EVI5: variants seen among roughly 807,000 people sequenced by gnomAD.
EVI5 encodes the protein ecotropic viral integration site 5.
EVI5 carries 73 observed loss-of-function variants against 112.0 expected under a neutral mutation model. That is an observed-to-expected ratio of 0.65 (90% CI 0.54 to 0.79). EVI5 has a LOEUF of 0.79. Among genes scored for constraint, EVI5 ranks in the 30% least tolerant of loss-of-function variants. The pLI is 0.00. For synonymous variants in EVI5, 305 were observed against 319.9 expected, an observed-to-expected ratio of 0.95 and a Z score of 0.50; for missense variants, 900 against 968.8, an observed-to-expected ratio of 0.93 and a Z score of 0.94.
intron 2 of EVI5, among the ~76,000 whole-genome samples, chr1:92,715,658 T>C (rs1673524910): frequency 6.6e-6 from 1 of 152,120 alleles, no homozygotes; most frequent in Non-Finnish European, 1.5e-5. Context: ...GGGCGGGGCG[T>C]CACCTCACCC....
At chr1:92,716,416 A>G (rs1322876624) in intron 2 of EVI5, among the ~76,000 whole-genome samples, 2 of 152,260 alleles carry the variant, frequency 1.3e-5, no homozygotes, top group African/African-American at 4.8e-5. Context: ...AGAAAGGAAT[A>G]GCATCAACAT....
chr1:92,668,533 T>C lies in EVI5; in HGVS notation c.1159-2541A>G, dbSNP rs189036282. ...GTGAATAAAGTTATGACAGAAATCA[T>C]GCTAAAATAAAATTTAGAACTGAAA... On this transcript the variant is annotated intron_variant, in intron 10 of 19. Transcript: ENST00000684568. Among the ~76,000 whole-genome samples, 438 of 152,332 alleles carry C rather than the reference T, an allele frequency of 2.9e-3. 1 individual carries two copies. Among genetic ancestry groups the C allele is most frequent in the Middle Eastern group, 0.014 (4 of 294 alleles).
chr1:92,657,647 A>G (rs1663235776), intron 13 of EVI5, among the ~76,000 whole-genome samples: 1 of 152,172 alleles, frequency 6.6e-6, no homozygotes, highest in Non-Finnish European at 1.5e-5. Flanking sequence ...TAGGTGACAG[A>G]GCAAGATCCT....
chr1:92,675,793 A>G (rs1666635357), intron 10 of EVI5, among the ~76,000 whole-genome samples: 1 of 151,900 alleles, frequency 6.6e-6, no homozygotes, highest in South Asian at 2.1e-4. Context: ...CATCTTTACT[A>G]AAAATACAAA....
intron 18 of EVI5, among the ~76,000 whole-genome samples, chr1:92,575,429 T>C (rs945416122): frequency 6.6e-6 from 1 of 152,122 alleles, no homozygotes; most frequent in Non-Finnish European, 1.5e-5. Context: ...TCACTGAAGA[T>C]AGTTTTTTTT....
chr1:92,590,039 C>A (rs1673535682), intron 18 of EVI5, among the ~76,000 whole-genome samples: 1 of 152,182 alleles, frequency 6.6e-6, no homozygotes, highest in Non-Finnish European at 1.5e-5. Flanking sequence ...CTCCAACAGA[C>A]CTGCAGCTAA....
intron 13 of EVI5, among the ~76,000 whole-genome samples, chr1:92,656,169 T>A (rs1662965639): frequency 6.6e-6 from 1 of 152,102 alleles, no homozygotes; most frequent in African/African-American, 2.4e-5. Flanking sequence ...TCTCAATAAA[T>A]TTTCAAAAAT....
chr1:92,625,068 A>T (rs2101786299), intron 15 of EVI5, among the ~76,000 whole-genome samples: 1 of 152,226 alleles, frequency 6.6e-6, no homozygotes, highest in East Asian at 1.9e-4. Flanking sequence ...TAATTTTTTT[A>T]ATGAGAGATT....
rs12758405 is a variant in EVI5 at position 92,770,659 on chromosome 1, A to G, written c.-82+14177T>C. On this transcript the variant is annotated intron_variant, in intron 1 of 19. Transcript: ENST00000684568. ...CCAAAAATTAGCCGGGCGTGGTGGCAGGTGCCTGTAGTCCCAGCTACTTGG... is the reference window on the plus strand; with the variant it reads ...CCAAAAATTAGCCGGGCGTGGTGGCGGGTGCCTGTAGTCCCAGCTACTTGG... Among the ~76,000 whole-genome samples the G allele has an allele frequency of 3.3e-4, 50 of 151,092 alleles. 1 individual carries two copies. The highest frequency in any genetic ancestry group is 8.4e-4 in the South Asian group (4 of 4,780).
intron 13 of EVI5, among the ~76,000 whole-genome samples, chr1:92,652,088 A>G (rs1273482337): frequency 6.6e-6 from 1 of 152,220 alleles, no homozygotes; most frequent in Non-Finnish European, 1.5e-5. Context: ...AAAAGGCAGA[A>G]ATAACCCAAA....
intron 18 of EVI5, among the ~76,000 whole-genome samples, chr1:92,564,456 G>A (rs1367543844): frequency 6.6e-6 from 1 of 151,890 alleles, no homozygotes; most frequent in Non-Finnish European, 1.5e-5. Flanking sequence ...AGAAAAAGTT[G>A]TCCAAATCAC....
chr1:92,697,374 C>T (rs913914152), intron 6 of EVI5, among the ~76,000 whole-genome samples: 2 of 151,988 alleles, frequency 1.3e-5, no homozygotes, highest in Admixed American at 1.3e-4. Context: ...CATACAGTCA[C>T]TAGATAACTT....
At chr1:92,696,440 C>T (rs1196626317) in intron 6 of EVI5, among the ~76,000 whole-genome samples, 1 of 151,502 alleles carries the variant, frequency 6.6e-6, no homozygotes, top group Non-Finnish European at 1.5e-5. Context: ...AGAGTGAAAC[C>T]CTGTCTCTAC....
At chr1:92,600,761 G>A (rs1380665450) in intron 18 of EVI5, among the ~76,000 whole-genome samples, 2 of 152,166 alleles carry the variant, frequency 1.3e-5, no homozygotes, top group African/African-American at 2.4e-5. Context: ...ACAGTATGCT[G>A]CTGGCTGCCC....
chr1:92,601,085 CA>C (rs553326738), intron 18 of EVI5, among the ~76,000 whole-genome samples: 10 of 152,138 alleles, frequency 6.6e-5, no homozygotes, highest in Non-Finnish European at 1.2e-4. Context: ...TAAGCATGAG[CA>C]GGCAAATACT....
At chr1:92,696,057 G>A (rs1269410715) in intron 6 of EVI5, among the ~76,000 whole-genome samples, 1 of 151,500 alleles carries the variant, frequency 6.6e-6, no homozygotes, top group African/African-American at 2.4e-5. Context: ...CAGCCTCCCA[G>A]GCAGCTGGTA....
chr1:92,729,948 T>C (rs1373243598), intron 2 of EVI5, among the ~76,000 whole-genome samples: 1 of 151,980 alleles, frequency 6.6e-6, no homozygotes, highest in Non-Finnish European at 1.5e-5. Flanking sequence ...CATTGAAAAA[T>C]CAATGTAATT....
rs938261873 is a variant in EVI5, at chr1:92,753,082, G to C, written c.-81-16455C>G. 3.4e-5 allele frequency among the ~76,000 whole-genome samples: 5 copies of C among 148,626 alleles called. No individual in the cohort carries two copies. In the East Asian group the frequency reaches 6.0e-4, roughly 18 times the overall value. Reference sequence around the variant, plus strand: ...GCCTTTCTGAGGAGGCAACGTTTAAGATAAGATCTATGAAATGAGCAGGAA... The same window carrying C: ...GCCTTTCTGAGGAGGCAACGTTTAACATAAGATCTATGAAATGAGCAGGAA... On this transcript the variant is annotated intron_variant, in intron 1 of 19. Transcript: ENST00000684568.
At chr1:92,649,473 ATTC>A (rs1661670475) in intron 13 of EVI5, among the ~76,000 whole-genome samples, 1 of 152,204 alleles carries the variant, frequency 6.6e-6, no homozygotes, top group African/African-American at 2.4e-5. Flanking sequence ...ATCTCTATGT[ATTC>A]TTCTCAGGGT....
Sources: gnomAD v4.1 joint callset for allele counts (sites outside exome capture counted in the v4.1 genomes callset) on GRCh38, gnomAD v4.1.1 for gene constraint, MANE v1.5 for transcripts, NCBI Gene and HGNC (gene_info 2026-07-23, HGNC 2026-07-21) for gene names.